The following GTPBP4 variants were observed in gnomAD, a reference collection of about 807,000 sequenced individuals.
GTPBP4 encodes the protein GTP binding protein 4, also known as GTP-binding protein 4.
A neutral mutation model predicts 81.7 loss-of-function variants in GTPBP4; 15 were observed. The ratio of observed to expected loss-of-function variants is 0.18; its 90% CI spans 0.12 to 0.28. The LOEUF (loss-of-function observed/expected upper bound fraction) is 0.28. GTPBP4 is among the 10% of genes least tolerant of loss of function. The pLI, the probability that GTPBP4 is intolerant of heterozygous loss-of-function variation, is 1.00. For synonymous variants in GTPBP4, 272 were observed against 274.6 expected, an observed-to-expected ratio of 0.99 and a Z score of 0.09; for missense variants, 847 against 793.8, an observed-to-expected ratio of 1.07 and a Z score of -0.81.
At chr10:1,010,295 G>T (rs570985630) in intron 12 of GTPBP4, 125 bp from the exon 13 acceptor site, 2 of 632,802 alleles carry the variant, frequency 3.2e-6, no homozygotes, top group Non-Finnish European at 5.7e-6. Context: ...ATGTGGAATT[G>T]CACGTCGTGC....
rs140484326 is a variant in GTPBP4, at chr10:1,019,592, C to T, written c.*2365C>T. 8.1e-6 allele frequency: 13 copies of T among 1,614,082 alleles called. No homozygotes were observed. The South Asian group carries it at 1.3e-4, about 16-fold the overall frequency. ...GGTGAGGCCACCACCGGTACAGAAA[C>T]CTCTCGGCAATGGTTCTTAGCCAGG... On this transcript the variant is annotated 3_prime_UTR_variant, in exon 17 of 17. Transcript: ENST00000360803.
At chr10:1,013,643 CTT>C (rs1240901911) in intron 14 of GTPBP4, among the ~76,000 whole-genome samples, 2 of 152,202 alleles carry the variant, frequency 1.3e-5, no homozygotes, top group Non-Finnish European at 2.9e-5. Flanking sequence ...AATCTGGACT[CTT>C]TAGCAATTTA....
chr10:1,011,222 G>C (rs1374831863), intron 13 of GTPBP4, among the ~76,000 whole-genome samples: 1 of 152,080 alleles, frequency 6.6e-6, no homozygotes, highest in Non-Finnish European at 1.5e-5. Flanking sequence ...GGCCCTTAAT[G>C]GACTCTGCTG....
At chr10:1,007,779 C>T (rs965080312) in intron 10 of GTPBP4, 2 of 424,158 alleles carry the variant, frequency 4.7e-6, no homozygotes, top group Non-Finnish European at 4.6e-6. Context: ...GTGTCCTCGG[C>T]GTGGTCGGGC....
chr10:1,017,828 G>A lies in GTPBP4; in HGVS notation c.*601G>A, dbSNP rs1832018156. 1 of 152,166 alleles carries A rather than the reference G, an allele frequency of 6.6e-6. No homozygotes were observed. Among genetic ancestry groups the A allele is most frequent in the East Asian group, 1.9e-4 (1 of 5,200 alleles). The allele number at this position is 152,166 out of a possible 1,614,324, so 9.4% of individuals were successfully genotyped here. A position where few individuals can be genotyped will look rare whatever the true frequency, so the allele number is the denominator to read the frequency against. The stretch of plus-strand genomic sequence containing the variant: ...TTTGGGGGAGTAAAATGTTGCTGGA[G>A]GCATTAGGCAATTAAATATGGGCAT... On this transcript the variant is annotated 3_prime_UTR_variant, in exon 17 of 17. Transcript: ENST00000360803.
chr10:1,005,651 G>A (rs899798737), intron 8 of GTPBP4, among the ~76,000 whole-genome samples, 167 bp from the exon 9 acceptor site: 2 of 152,194 alleles, frequency 1.3e-5, no homozygotes, highest in Non-Finnish European at 2.9e-5. Flanking sequence ...CTTGATCATA[G>A]AAGAATATGA....
intron 4 of GTPBP4, chr10:996,477 A>G (rs1396589252): frequency 1.2e-5 from 4 of 331,202 alleles, no homozygotes; most frequent in Non-Finnish European, 2.2e-5. Context: ...GGTAAGGCAT[A>G]CACAAAAAAG....
chr10:996,260 G>A lies in GTPBP4; in HGVS notation c.460+18G>A, dbSNP rs772196475. 2.4e-5 allele frequency: 38 copies of A among 1,604,816 alleles called. No homozygotes were observed. The East Asian group carries it at 4.9e-4, about 21-fold the overall frequency. ...GGAGCAAGGTGCTTGTCACGCATCC[G>A]CGGGAACCGTGCTAGCATCCTGCTG... On this transcript the variant is annotated intron_variant, in intron 4 of 16. Coordinates refer to ENST00000360803, the MANE Select transcript of GTPBP4 (RefSeq NM_012341.3).
At chr10:1,002,355 T>G (rs1387014630) in intron 8 of GTPBP4, among the ~76,000 whole-genome samples, 1 of 152,224 alleles carries the variant, frequency 6.6e-6, no homozygotes, top group Non-Finnish European at 1.5e-5. Flanking sequence ...TCTTGTCTCT[T>G]TTTATTGTTT....
In GTPBP4 at chr10:992,652, A is replaced by G. The variant is rs1293740011; in HGVS notation, c.212A>G (p.Lys71Arg). Residue 71 changes from lysine to arginine, a missense_variant, in exon 2 of 17, where the codon AAA becomes AGA. By Grantham distance (26) the Lys-to-Arg change is conservative. Coordinates refer to ENST00000360803, the MANE Select transcript of GTPBP4 (RefSeq NM_012341.3). Reference protein sequence around the residue: ...RLSQILTDFPKLDDIHPFYAD... With the variant: ...RLSQILTDFPRLDDIHPFYAD... ...TCACAAATTCTAACAGATTTCCCCA[A>G]ATTGGATGTAAGTGACTTAGGGGAC... 1 of 1,598,746 alleles carries G rather than the reference A, an allele frequency of 6.3e-7. No individual in the cohort carries two copies.
chr10:990,596 G>A (rs1027729164), intron 1 of GTPBP4, among the ~76,000 whole-genome samples: 8 of 151,328 alleles, frequency 5.3e-5, no homozygotes, highest in African/African-American at 7.3e-5. Context: ...GGTGGCGGGC[G>A]CCTGTAGTCC....
At chr10:1,012,136 C>A (rs1046704508) in intron 13 of GTPBP4, among the ~76,000 whole-genome samples, 33 of 152,304 alleles carry the variant, frequency 2.2e-4, no homozygotes, top group Admixed American at 1.4e-3. Context: ...GGACTGAGTT[C>A]CTTGTGTGTG....
Position 1,009,557 on chromosome 10 carries a change from A to G in GTPBP4, c.1220A>G (p.Asp407Gly). 1 of 1,601,332 alleles carries G rather than the reference A, an allele frequency of 6.2e-7. No individual in the cohort carries two copies. The highest frequency in any genetic ancestry group is 8.6e-7 in the Non-Finnish European group (1 of 1,168,358). ...RERDLELEMG[D>G]DYILDLQKYW... is the part of the protein sequence containing the mutation. Reference sequence around the variant, plus strand: ...CGAGATCTTGAGCTGGAAATGGGAGATGATTATATTTTGGATCTTCAGAGT... The same window carrying G: ...CGAGATCTTGAGCTGGAAATGGGAGGTGATTATATTTTGGATCTTCAGAGT... The change falls in exon 12 of 17, where the codon GAT becomes GGT. Residue 407 changes from aspartate to glycine, a missense_variant. Asp to Gly is a moderately conservative substitution (Grantham distance 94). This residue lies in a region of GTPBP4 where 600 missense variants were observed against 557.1 expected (regional missense o/e 1.08). Transcript: ENST00000360803.
chr10:992,656 G>A lies in GTPBP4; in HGVS notation c.216G>A (p.Leu72=), dbSNP rs1487263430. Residue 72 remains leucine, a synonymous_variant, in exon 2 of 17, where the codon TTG becomes TTA. Transcript: ENST00000360803. ...AAATTCTAACAGATTTCCCCAAATTGGATGTAAGTGACTTAGGGGACTTCT... is the reference window on the plus strand; with the variant it reads ...AAATTCTAACAGATTTCCCCAAATTAGATGTAAGTGACTTAGGGGACTTCT... ...LSQILTDFPK[L]DDIHPFYADL... is the part of the protein sequence containing the mutation. The A allele has an allele frequency of 6.3e-7, 1 of 1,592,606 alleles. No homozygotes were observed. The highest frequency in any genetic ancestry group is 8.6e-7 in the Non-Finnish European group (1 of 1,162,554).
chr10:989,362 G>A lies in GTPBP4; in HGVS notation c.48+835G>A, dbSNP rs185043239. On this transcript the variant is annotated intron_variant, in intron 1 of 16. Coordinates refer to ENST00000360803, the MANE Select transcript of GTPBP4 (RefSeq NM_012341.3). ...ACTCCTGATCCCGGGTGATCCTCCC[G>A]CCCCGGCCTCCCAAAGTGCTGGAAT... Among the ~76,000 whole-genome samples, 343 of 152,144 alleles carry A rather than the reference G, an allele frequency of 2.3e-3. 3 individuals are homozygous for A. The highest frequency in any genetic ancestry group is 1.1e-3 in the Non-Finnish European group (73 of 67,994).
chr10:1,013,794 C>T (rs763065938), intron 14 of GTPBP4, among the ~76,000 whole-genome samples: 14 of 152,170 alleles, frequency 9.2e-5, no homozygotes, highest in Non-Finnish European at 2.1e-4. Flanking sequence ...CTCAGTGGGT[C>T]TTCCTGTTTG....
At chr10:993,261 CT>C (rs904076832) in intron 2 of GTPBP4, among the ~76,000 whole-genome samples, 2 of 151,840 alleles carry the variant, frequency 1.3e-5, no homozygotes, top group Admixed American at 6.6e-5. Flanking sequence ...CTTTTTTTCT[CT>C]TTTTTTTGGA....
chr10:1,017,332 A>G lies in GTPBP4; in HGVS notation c.*105A>G. On this transcript the variant is annotated 3_prime_UTR_variant, in exon 17 of 17. Transcript: ENST00000360803. Reference sequence around the variant, plus strand: ...GAGCTCTGTATAAACTGAAAAAGACAAAATAAGTAAAGCACTTGTTGCTTT... The same window carrying G: ...GAGCTCTGTATAAACTGAAAAAGACGAAATAAGTAAAGCACTTGTTGCTTT... 9.5e-7 allele frequency: 1 copy of G among 1,055,778 alleles called. No individual in the cohort carries two copies. Among genetic ancestry groups the G allele is most frequent in the South Asian group, 1.6e-5 (1 of 61,756 alleles). 65.4% of individuals were successfully genotyped at this position (1,055,778 alleles called of 1,614,324 possible). A position where few individuals can be genotyped will look rare whatever the true frequency, so the allele number is the denominator to read the frequency against.
Position 999,890 on chromosome 10 carries a change from CAG to C in GTPBP4, c.655-786_655-785del, listed in dbSNP as rs201149821. 6.3e-3 allele frequency among the ~76,000 whole-genome samples: 962 copies of C among 152,304 alleles called. 4 individuals carry two copies. Among genetic ancestry groups the C allele is most frequent in the African/African-American group, 0.022 (913 of 41,560 alleles). On this transcript the variant is annotated intron_variant, in intron 6 of 16. Coordinates refer to ENST00000360803, the MANE Select transcript of GTPBP4 (RefSeq NM_012341.3). ...TGGAGAATCGCTTGAACCCAGAAGA[CAG>C]GGGTTGCAGTGAGCCGAGATTGTGC...
Sources: gnomAD v4.1 joint callset for allele counts (sites outside exome capture counted in the v4.1 genomes callset) on GRCh38, gnomAD v4.1.1 for gene constraint, gnomAD v4.1.1 regional missense constraint, MANE v1.5 for transcripts, NCBI Gene and HGNC (gene_info 2026-07-23, HGNC 2026-07-21) for gene names.